Variants in TSPAN4 observed in about 807,000 individuals in gnomAD.
TSPAN4 encodes tetraspanin-4.
Under a neutral mutation model 31.5 loss-of-function variants are expected in TSPAN4, and 38 were observed. The observed-to-expected ratio is 1.21, with a 90% CI of 0.93 to 1.58. The LOEUF is 1.58. Among genes scored for constraint, TSPAN4 ranks in the 40% most tolerant of loss-of-function variants. The probability of loss-of-function intolerance (pLI) is 0.00; values close to 1 mark genes in which losing one functional copy is unlikely to be tolerated. For missense variants in TSPAN4, 330 were observed against 317.3 expected (o/e 1.04, Z -0.30); for synonymous variants, 186 against 144.6 (o/e 1.29, Z -2.06).
intron 3 of TSPAN4, among the ~76,000 whole-genome samples, chr11:851,779 C>T (rs558973999): frequency 8.0e-5 from 12 of 149,548 alleles, no homozygotes; most frequent in Non-Finnish European, 1.0e-4. Flanking sequence ...GACGGGGGGA[C>T]GGGGCAGAAT....
chr11:846,903 T>C (rs560680448), intron 1 of TSPAN4, among the ~76,000 whole-genome samples: 2 of 152,328 alleles, frequency 1.3e-5, no homozygotes, highest in African/African-American at 4.8e-5. Flanking sequence ...ACATGTGTTC[T>C]CTGCACACCG....
chr11:864,540 T>C (rs1848656804), intron 5 of TSPAN4, 29 bp downstream of exon 5: 3 of 1,609,622 alleles, frequency 1.9e-6, no homozygotes, highest in African/African-American at 1.3e-5. Flanking sequence ...CAGGCCCAAC[T>C]GCAGGGCTGG....
intron 1 of TSPAN4, among the ~76,000 whole-genome samples, chr11:845,356 C>T (rs1234331597): frequency 1.3e-5 from 2 of 152,202 alleles, no homozygotes; most frequent in African/African-American, 4.8e-5. Flanking sequence ...GGGAGACTGG[C>T]GTTGTGAGCA....
intron 5 of TSPAN4, 36 bp downstream of exon 5, chr11:864,547 C>T (rs1374209726): frequency 5.6e-6 from 9 of 1,607,856 alleles, no homozygotes; most frequent in Admixed American, 3.3e-5. Flanking sequence ...AACTGCAGGG[C>T]TGGGGGCTCC....
At chr11:843,908 C>A (rs1021265817) in intron 1 of TSPAN4, among the ~76,000 whole-genome samples, 1 of 152,150 alleles carries the variant, frequency 6.6e-6, no homozygotes, top group African/African-American at 2.4e-5. Flanking sequence ...GAAGGGTTTT[C>A]TGGGTCCGGA....
chr11:866,812 G>T lies in TSPAN4; in HGVS notation c.*182G>T. On this transcript the variant is annotated 3_prime_UTR_variant, in exon 9 of 9. Coordinates refer to ENST00000397397, the MANE Select transcript of TSPAN4 (RefSeq NM_003271.5). ...AGGCCCTAGCTCAGGTGGCTTCAGG[G>T]CCTCCGGACCCCCCCTGGGAGGGGT... 3.2e-6 allele frequency: 2 copies of T among 630,938 alleles called. No homozygotes were observed. The highest frequency in any genetic ancestry group is 4.4e-4 in the Middle Eastern group (1 of 2,272). The allele number at this position is 630,938 out of a possible 1,614,324, so 39.1% of individuals were successfully genotyped here.
At chr11:843,419 A>T (rs1159227126) in intron 1 of TSPAN4, 2 of 151,772 alleles carry the variant, frequency 1.3e-5, no homozygotes, top group African/African-American at 4.8e-5. Context: ...GGGAGAGGGG[A>T]CCCGGGAGGG....
In TSPAN4 at chr11:862,611, C is replaced by A. The variant is rs778738933; in HGVS notation, c.125C>A (p.Ala42Asp). 3.7e-5 allele frequency: 59 copies of A among 1,613,018 alleles called. 1 individual carries two copies. In the South Asian group the frequency reaches 6.4e-4, roughly 17 times the overall value. Residue 42 changes from alanine (A) to aspartate (D), a missense_variant, in exon 4 of 9, where the codon GCC becomes GAC. Physicochemically the swap from Ala to Asp is moderately radical, Grantham distance 126. Transcript: ENST00000397397. ...IWLAATQGSF[A>D]TLSSSFPSLS... Reference sequence around the variant, plus strand: ...CTGGCCGCCACACAGGGGAGCTTCGCCACGCTGTCCTCTTCCTTCCCGTCC... The same window carrying A: ...CTGGCCGCCACACAGGGGAGCTTCGACACGCTGTCCTCTTCCTTCCCGTCC...
chr11:863,060 C>G (rs1848562939), intron 4 of TSPAN4: 1 of 239,174 alleles, frequency 4.2e-6, no homozygotes, highest in African/African-American at 2.3e-5. Flanking sequence ...CACGCATGCG[C>G]AGCCTTTCAC....
At chr11:853,727 T>G (rs970534326) in intron 3 of TSPAN4, among the ~76,000 whole-genome samples, 4 of 152,146 alleles carry the variant, frequency 2.6e-5, no homozygotes, top group Admixed American at 2.0e-4. Context: ...TCTGGGGACA[T>G]GCTACCTGCC....
intron 5 of TSPAN4, 152 bp downstream of exon 5, chr11:864,663 G>A: frequency 1.1e-6 from 1 of 949,490 alleles, no homozygotes; most frequent in Non-Finnish European, 1.6e-6. Context: ...AGGCCTGGAG[G>A]GGCAGCGCCA....
chr11:864,563 C>T, intron 5 of TSPAN4, 52 bp downstream of exon 5: 1 of 1,601,106 alleles, frequency 6.2e-7, no homozygotes. Flanking sequence ...GCTCCATCCT[C>T]ACTCCCAGGG....
intron 3 of TSPAN4, among the ~76,000 whole-genome samples, chr11:853,594 AGTGGGGAGGGTTCCTGGGGCAGCCAGG>A (rs1453638383): frequency 6.6e-6 from 1 of 150,964 alleles, no homozygotes; most frequent in Non-Finnish European, 1.5e-5. Flanking sequence ...CTTTGGGTGG[AGTGGGGAGGGTTCCTGGGGCAGCCAGG>A]GTGGGGAGGT....
At chr11:861,711 C>CAA (rs1363641453) in intron 3 of TSPAN4, among the ~76,000 whole-genome samples, 2 of 142,018 alleles carry the variant, frequency 1.4e-5, no homozygotes, top group East Asian at 4.1e-4. Flanking sequence ...GACTCGGTAT[C>CAA]AAAAAAAAAA....
chr11:850,507 G>A, intron 3 of TSPAN4, 140 bp downstream of exon 3: 2 of 716,054 alleles, frequency 2.8e-6, no homozygotes, highest in South Asian at 3.5e-5. Context: ...GAGGACCCAA[G>A]ACCGCTGCTC....
At chr11:864,198 GC>G (rs1310953987) in intron 4 of TSPAN4, 15 of 588,066 alleles carry the variant, frequency 2.6e-5, no homozygotes, top group Non-Finnish European at 9.1e-6. Flanking sequence ...GGGAGCCCAG[GC>G]CAGCCCAGGG....
chr11:852,488 G>C (rs925690895), intron 3 of TSPAN4, among the ~76,000 whole-genome samples: 6 of 151,768 alleles, frequency 4.0e-5, no homozygotes, highest in South Asian at 2.1e-4. Context: ...ACCAGCCTTG[G>C]CCCCCCCCAA....
At chr11:852,912 C>T (rs1017303140) in intron 3 of TSPAN4, among the ~76,000 whole-genome samples, 3 of 152,128 alleles carry the variant, frequency 2.0e-5, no homozygotes, top group South Asian at 2.1e-4. Flanking sequence ...CCCCCGCTGC[C>T]GGAGTCCTGC....
chr11:846,885 G>A (rs1035798714), intron 1 of TSPAN4, among the ~76,000 whole-genome samples: 3 of 152,214 alleles, frequency 2.0e-5, no homozygotes, highest in South Asian at 2.1e-4. Context: ...CTGTGAGTAC[G>A]TCTTTGAACA....
Sources: gnomAD v4.1 joint callset for allele counts (sites outside exome capture counted in the v4.1 genomes callset) on GRCh38, gnomAD v4.1.1 for gene constraint, MANE v1.5 for transcripts, NCBI Gene and HGNC (gene_info 2026-07-23, HGNC 2026-07-21) for gene names.